LTBP1: variants seen among roughly 807,000 people sequenced by gnomAD.
LTBP1 encodes latent transforming growth factor beta binding protein 1.
A neutral mutation model predicts 207.6 loss-of-function variants in LTBP1; 129 were observed. The ratio of observed to expected loss-of-function variants is 0.62; its 90% confidence interval spans 0.54 to 0.72. LTBP1 has a LOEUF of 0.72. LTBP1 is among the 30% of genes least tolerant of loss of function. LTBP1 has a pLI of 0.00. For missense variants in LTBP1, 2,281 were observed against 2,217.2 expected, an observed-to-expected ratio of 1.03 and a Z score of -0.58; for synonymous variants, 963 against 833.7, an observed-to-expected ratio of 1.16 and a Z score of -2.67.
intron 2 of LTBP1, among the ~76,000 whole-genome samples, chr2:32,996,230 T>C (rs1400015934): frequency 1.3e-5 from 2 of 152,194 alleles, no homozygotes; most frequent in South Asian, 2.1e-4. Context: ...GGGTGCCAGC[T>C]GCTTCAGTGT....
At chr2:33,188,137 C>T (rs1451123147) in intron 6 of LTBP1, among the ~76,000 whole-genome samples, 1 of 152,110 alleles carries the variant, frequency 6.6e-6, no homozygotes, top group Non-Finnish European at 1.5e-5. Flanking sequence ...ATTGTGATGG[C>T]TGGCTGGGCA....
intron 4 of LTBP1, among the ~76,000 whole-genome samples, chr2:33,126,302 C>G (rs1368736935): frequency 2.0e-5 from 3 of 152,138 alleles, no homozygotes; most frequent in Non-Finnish European, 4.4e-5. Context: ...CTCCTGAACT[C>G]AAGCAATCCT....
chr2:33,305,569 C>A (rs527846103), intron 22 of LTBP1, among the ~76,000 whole-genome samples: 20 of 152,038 alleles, frequency 1.3e-4, no homozygotes, highest in Non-Finnish European at 2.8e-4. Context: ...AGGGGCACCA[C>A]GTCAGCACTT....
chr2:33,283,374 A>G (rs911340487), intron 19 of LTBP1, among the ~76,000 whole-genome samples: 1 of 147,500 alleles, frequency 6.8e-6, no homozygotes, highest in Admixed American at 6.8e-5. Flanking sequence ...GGATATATTG[A>G]TGAATTTTTT....
At chr2:33,397,479 A>G (rs1039089850) in intron 33 of LTBP1, among the ~76,000 whole-genome samples, 197 bp downstream of exon 33, 2 of 148,682 alleles carry the variant, frequency 1.3e-5, no homozygotes, top group Non-Finnish European at 3.0e-5. Context: ...AAAATGGTAA[A>G]TATGTTCTGT....
At chr2:33,065,541 C>A (rs1239964820) in intron 3 of LTBP1, among the ~76,000 whole-genome samples, 1 of 151,768 alleles carries the variant, frequency 6.6e-6, no homozygotes, top group Non-Finnish European at 1.5e-5. Context: ...CAGAGTAAGA[C>A]CTTGTCACCC....
intron 2 of LTBP1, among the ~76,000 whole-genome samples, chr2:32,959,605 A>C (rs1177583840): frequency 7.2e-5 from 3 of 41,782 alleles, no homozygotes; most frequent in African/African-American, 2.0e-4. Context: ...GTGTATATAT[A>C]TATATATATA....
intron 26 of LTBP1, among the ~76,000 whole-genome samples, chr2:33,351,118 C>A (rs1385840019): frequency 6.6e-6 from 1 of 152,118 alleles, no homozygotes; most frequent in African/African-American, 2.4e-5. Context: ...AATAATTTAT[C>A]ATAGGATTTC....
intron 9 of LTBP1, among the ~76,000 whole-genome samples, chr2:33,234,327 A>G (rs971422630): frequency 3.3e-5 from 5 of 152,108 alleles, no homozygotes; most frequent in Non-Finnish European, 7.4e-5. Context: ...GTTTTTGGGA[A>G]TATATAAGAG....
chr2:33,146,498 A>G (rs1447463571), intron 5 of LTBP1, among the ~76,000 whole-genome samples: 1 of 152,114 alleles, frequency 6.6e-6, no homozygotes, highest in Admixed American at 6.6e-5. Context: ...TCAGTATGCC[A>G]TTTTTATTCT....
chr2:33,147,153 A>G (rs1378140365), intron 5 of LTBP1, among the ~76,000 whole-genome samples: 1 of 152,216 alleles, frequency 6.6e-6, no homozygotes, highest in African/African-American at 2.4e-5. Context: ...AGGAATGCTC[A>G]AAAGGTACAG....
chr2:33,186,540 G>A (rs7609241), intron 5 of LTBP1, among the ~76,000 whole-genome samples: 11 of 152,158 alleles, frequency 7.2e-5, no homozygotes, highest in African/African-American at 2.4e-4. Flanking sequence ...ACTTAAAATG[G>A]CATGGTGGTA....
intron 2 of LTBP1, among the ~76,000 whole-genome samples, chr2:32,982,593 G>A (rs1323187187): frequency 6.6e-6 from 1 of 152,106 alleles, no homozygotes; most frequent in Non-Finnish European, 1.5e-5. Flanking sequence ...GGTCTGGAGG[G>A]AAAAATGGTT....
At position 33,147,287 on chromosome 2, in the gene LTBP1, T is replaced by G. The variant is rs913691287; in HGVS notation, c.1201+12327T>G. Among the ~76,000 whole-genome samples, 34 of 152,352 alleles carry G rather than the reference T, an allele frequency of 2.2e-4. No individual in the cohort carries two copies. In the South Asian group the frequency reaches 2.9e-3, roughly 13 times the overall value. ...TAGCTTTGGTGGAGAACCAATAGTC[T>G]AAACCAGTGCTTATTACCCTTTAAT... is the stretch of plus-strand genomic sequence containing the variant. On this transcript the variant is annotated intron_variant, in intron 5 of 33. Transcript: ENST00000404816.
At chr2:33,334,235 T>A (rs1456349388) in intron 24 of LTBP1, among the ~76,000 whole-genome samples, 1 of 152,124 alleles carries the variant, frequency 6.6e-6, no homozygotes, top group East Asian at 1.9e-4. Context: ...TATGGAATGA[T>A]CCAATAGAGA....
chr2:32,998,852 C>T (rs1685685566), intron 2 of LTBP1, among the ~76,000 whole-genome samples: 1 of 152,204 alleles, frequency 6.6e-6, no homozygotes, highest in Non-Finnish European at 1.5e-5. Flanking sequence ...GCCCTCACAT[C>T]CACAGTCTCC....
chr2:33,084,861 G>T (rs1180349435), intron 3 of LTBP1, among the ~76,000 whole-genome samples: 1 of 152,154 alleles, frequency 6.6e-6, no homozygotes, highest in Admixed American at 6.5e-5. Flanking sequence ...AGGTTTCTGT[G>T]AGAAACAGCT....
At chr2:33,228,633 A>G (rs1469498254) in intron 9 of LTBP1, among the ~76,000 whole-genome samples, 1 of 151,260 alleles carries the variant, frequency 6.6e-6, no homozygotes, top group Non-Finnish European at 1.5e-5. Flanking sequence ...ATTGAGACAC[A>G]GAGAAAGTAA....
rs1011779890 is a variant in LTBP1 at position 33,301,654 on chromosome 2, G to A, written c.3481+10G>A. ...GGAGACCACTGTGAAGGTAAGAATT[G>A]CTCCTGATTTCAGAATCATAAAATG... On this transcript the variant is annotated intron_variant, in intron 22 of 33. Coordinates refer to ENST00000404816, the MANE Select transcript of LTBP1 (RefSeq NM_206943.4). 1.9e-6 allele frequency: 3 copies of A among 1,575,606 alleles called. No individual in the cohort carries two copies. Among genetic ancestry groups the A allele is most frequent in the Middle Eastern group, 1.7e-4 (1 of 5,868 alleles).
Sources: allele counts gnomAD v4.1 joint callset (sites outside exome capture counted in the v4.1 genomes callset), GRCh38; gene constraint gnomAD v4.1.1; transcripts MANE v1.5; gene names NCBI Gene and HGNC (gene_info 2026-07-23, HGNC 2026-07-21).